The following FANCD2 variants were observed in gnomAD, a reference collection of about 807,000 sequenced individuals.
FANCD2 encodes the protein Fanconi anemia group D2 protein.
Under a neutral mutation model 192.3 loss-of-function variants are expected in FANCD2, and 131 were observed. The ratio of observed to expected loss-of-function variants is 0.68; its 90% confidence interval spans 0.59 to 0.79. The LOEUF (loss-of-function observed/expected upper bound fraction) is 0.79, where lower values mean the gene tolerates loss of function less well. FANCD2 is among the 30% of genes least tolerant of loss of function. The probability of loss-of-function intolerance (pLI) is 0.00; values close to 1 mark genes in which losing one functional copy is unlikely to be tolerated. For synonymous variants in FANCD2, 524 were observed against 612.5 expected (o/e 0.86, Z 2.13); for missense variants, 1,508 against 1,701.6 (o/e 0.89, Z 2.00).
chr3:10,089,477 A>ATTGTTTTGTT (rs1206741118), intron 36 of FANCD2, among the ~76,000 whole-genome samples: 1 of 151,268 alleles, frequency 6.6e-6, no homozygotes, highest in Non-Finnish European at 1.5e-5. Context: ...TTTGTTTTGT[A>ATTGTTTTGTT]TTGTTTTGTT....
chr3:10,085,580 C>T (rs1031642435), intron 32 of FANCD2, among the ~76,000 whole-genome samples: 5 of 151,920 alleles, frequency 3.3e-5, no homozygotes, highest in South Asian at 2.1e-4. Context: ...TTAGTAGAGA[C>T]GGGATTTCAC....
chr3:10,090,741 C>T (rs549383233), intron 37 of FANCD2, among the ~76,000 whole-genome samples: 6 of 152,302 alleles, frequency 3.9e-5, no homozygotes, highest in Non-Finnish European at 7.3e-5. Flanking sequence ...TACAGACGTG[C>T]GCCACTGCGC....
chr3:10,073,099 T>G, intron 27 of FANCD2, 118 bp downstream of exon 27: 1 of 847,626 alleles, frequency 1.2e-6, no homozygotes, highest in South Asian at 1.4e-5. Flanking sequence ...GAACTCTTCC[T>G]TTATTAGATT....
At chr3:10,080,990 C>T in intron 30 of FANCD2, 110 bp from the exon 31 acceptor site, 1 of 1,158,804 alleles carries the variant, frequency 8.6e-7, no homozygotes, top group South Asian at 1.2e-5. Context: ...CTCATTTCTC[C>T]CATCTGCTCC....
intron 9 of FANCD2, 128 bp downstream of exon 9, chr3:10,039,973 T>C (rs1006184303): frequency 2.0e-6 from 2 of 995,520 alleles, no homozygotes; most frequent in Non-Finnish European, 3.0e-6. Context: ...CCTTCATGAG[T>C]AGGGTATGGG....
chr3:10,071,935 C>T (rs1693274369), intron 26 of FANCD2, among the ~76,000 whole-genome samples: 1 of 143,926 alleles, frequency 6.9e-6, no homozygotes, highest in African/African-American at 2.7e-5. Flanking sequence ...AATTTTTGTA[C>T]TTTTGGTGCA....
chr3:10,083,744 C>G (rs1693990549), intron 32 of FANCD2: 1 of 151,592 alleles, frequency 6.6e-6, no homozygotes, highest in African/African-American at 2.4e-5. Flanking sequence ...AAAAATTAGC[C>G]GAGCGTGGTT....
chr3:10,030,697 C>T (rs1039166268), intron 2 of FANCD2, among the ~76,000 whole-genome samples: 1 of 151,662 alleles, frequency 6.6e-6, no homozygotes, highest in Admixed American at 6.6e-5. Flanking sequence ...GTCAGGAGTT[C>T]AAGATCAGCC....
chr3:10,042,574 A>G lies in FANCD2; in HGVS notation c.799A>G (p.Met267Val). 6.2e-7 allele frequency: 1 copy of G among 1,613,990 alleles called. No homozygotes were observed. Among genetic ancestry groups the G allele is most frequent in the East Asian group, 2.2e-5 (1 of 44,852 alleles). The change falls in exon 11 of 44, where the codon ATG (methionine) becomes GTG (valine). Residue 267 changes from methionine (M) to valine (V), a missense_variant. Around this residue, in one of 5 missense-constraint regions of FANCD2, gnomAD observed 435 missense variants for 421.9 expected, o/e 1.03. Transcript: ENST00000675286. ...NFLLKVRQLV[M>V]DKLSSIRLED... ...TAATTTTTAGGTTCGCCAGTTGGTGATGGATAAGTTGTCGTCTATTAGATT... is the reference window on the plus strand; with the variant it reads ...TAATTTTTAGGTTCGCCAGTTGGTGGTGGATAAGTTGTCGTCTATTAGATT...
chr3:10,054,345 A>ATGTATATACGTATATG (rs1217697276), intron 18 of FANCD2, among the ~76,000 whole-genome samples: 2 of 131,642 alleles, frequency 1.5e-5, no homozygotes, highest in Admixed American at 7.6e-5. Context: ...GCATATATAT[A>ATGTATATACGTATATG]TATATACGTA....
At chr3:10,035,084 T>C (rs1575735070) in intron 5 of FANCD2, 89 bp from the exon 6 acceptor site, 2 of 1,094,124 alleles carry the variant, frequency 1.8e-6, no homozygotes, top group East Asian at 4.8e-5. Flanking sequence ...TTAAATATTA[T>C]GTATTTAACC....
intron 18 of FANCD2, among the ~76,000 whole-genome samples, chr3:10,059,461 G>A (rs2087501318): frequency 6.6e-6 from 1 of 152,032 alleles, no homozygotes; most frequent in Non-Finnish European, 1.5e-5. Flanking sequence ...CATGTGCTAG[G>A]CACTGTTCTA....
At chr3:10,075,931 CGTT>C (rs1326816775) in intron 29 of FANCD2, among the ~76,000 whole-genome samples, 1 of 151,434 alleles carries the variant, frequency 6.6e-6, no homozygotes, top group East Asian at 1.9e-4. Context: ...GAGGTTTCAC[CGTT>C]GTTAGCCAGG....
intron 43 of FANCD2, chr3:10,099,765 A>C (rs1173305174): frequency 6.6e-6 from 1 of 152,254 alleles, no homozygotes; most frequent in East Asian, 1.9e-4. Context: ...CTCAACAACA[A>C]CAAAAAAGTG....
At chr3:10,086,966 T>C (rs941696512) in intron 33 of FANCD2, among the ~76,000 whole-genome samples, 168 bp from the exon 34 acceptor site, 10 of 152,224 alleles carry the variant, frequency 6.6e-5, no homozygotes, top group African/African-American at 2.2e-4. Flanking sequence ...GGTATGGTTT[T>C]CTACCAAGAT....
At chr3:10,099,459 C>CA (rs538969444) in intron 43 of FANCD2, 449 of 458,926 alleles carry the variant, frequency 9.8e-4, no homozygotes, top group Non-Finnish European at 1.2e-3. Context: ...CCTATCTCCA[C>CA]AAAAAAAATG....
chr3:10,027,056 T>C (rs147327105), intron 1 of FANCD2, among the ~76,000 whole-genome samples: 1 of 152,306 alleles, frequency 6.6e-6, no homozygotes, highest in East Asian at 1.9e-4. Context: ...GGGAAATAAA[T>C]GAATTATTAA....
At chr3:10,085,724 T>C (rs1694153521) in intron 32 of FANCD2, 88 bp from the exon 33 acceptor site, 1 of 861,610 alleles carries the variant, frequency 1.2e-6, no homozygotes, top group Non-Finnish European at 2.0e-6. Context: ...AAACTATTGA[T>C]GGTACAGACT....
chr3:10,095,742 G>T (rs1694915336), intron 41 of FANCD2, among the ~76,000 whole-genome samples: 1 of 152,174 alleles, frequency 6.6e-6, no homozygotes, highest in African/African-American at 2.4e-5. Context: ...TAGTTAATGA[G>T]GTATTGTCAC....
Sources: allele counts gnomAD v4.1 joint callset (sites outside exome capture counted in the v4.1 genomes callset), GRCh38; gene constraint gnomAD v4.1.1; regional missense constraint gnomAD v4.1.1; transcripts MANE v1.5; gene names NCBI Gene and HGNC (gene_info 2026-07-23, HGNC 2026-07-21).